The following CLEC4F variants were observed in gnomAD, a reference collection of about 807,000 sequenced individuals.
CLEC4F encodes C-type lectin domain family 4 member F.
CLEC4F carries 45 observed loss-of-function variants against 53.4 expected under a neutral mutation model. That is an observed-to-expected ratio of 0.84 (90% CI 0.66 to 1.08). The LOEUF (loss-of-function observed/expected upper bound fraction) is 1.08. Ranked by LOEUF, CLEC4F falls within the 50% of genes least tolerant of loss-of-function variation. The probability of loss-of-function intolerance (pLI) is 0.00; values close to 1 mark genes in which losing one functional copy is unlikely to be tolerated. For missense variants in CLEC4F, 753 were observed against 698.2 expected, an observed-to-expected ratio of 1.08 and a Z score of -0.88; for synonymous variants, 245 against 257.5, an observed-to-expected ratio of 0.95 and a Z score of 0.46.
At chr2:70,824,037 AGAAAG>A (rs782100823), upstream of CLEC4F, among the ~76,000 whole-genome samples, 32 of 121,242 alleles carry the variant, frequency 2.6e-4, 3 homozygotes, top group South Asian at 5.2e-4. Context: ...AAAAAAAAAA[AGAAAG>A]AAAGAAAGAA....
Position 70,816,179 on chromosome 2 carries a change from G to A in CLEC4F, c.1202C>T (p.Ser401Leu). Residue 401 changes from serine to leucine, a missense_variant, in exon 4 of 7, where the codon TCA (serine) becomes TTA (leucine). Transcript: ENST00000272367. ...QTLKQGMKNA[S>L]ALTSQTQMLD... is the part of the protein sequence containing the mutation. ...CATCTGGGTCTGGGAAGTTAAGGCTGAAGCATTCTTCATTCCTTGTTTTAG... is the reference window on the plus strand; with the variant it reads ...CATCTGGGTCTGGGAAGTTAAGGCTAAAGCATTCTTCATTCCTTGTTTTAG... The A allele has an allele frequency of 6.2e-7, 1 of 1,614,192 alleles. No individual in the cohort carries two copies. Among genetic ancestry groups the A allele is most frequent in the South Asian group, 1.1e-5 (1 of 91,080 alleles).
upstream of CLEC4F, among the ~76,000 whole-genome samples, chr2:70,823,254 G>T (rs112368272): frequency 0.019 from 2,824 of 152,290 alleles, 84 homozygotes; most frequent in African/African-American, 0.062. Context: ...CAGCAGGAAT[G>T]AAGGGTGAAG....
Position 70,813,614 on chromosome 2 carries a change from T to TCTTTCTTTCTTC in CLEC4F, c.1388-1017_1388-1016insGAAGAAAGAAAG, listed in dbSNP as rs1553394988. ...CTTTCTTTCTCTTTCTTTCTTTCTT[T>TCTTTCTTTCTTC]CTTTCTTTCTTTCTTTCTTTCTTTC... is the stretch of plus-strand genomic sequence containing the variant. On this transcript the variant is annotated intron_variant, in intron 4 of 6. Transcript: ENST00000272367. Among the ~76,000 whole-genome samples the TCTTTCTTTCTTC allele has an allele frequency of 4.5e-3, 641 of 141,866 alleles. 4 individuals are homozygous for TCTTTCTTTCTTC. The highest frequency in any genetic ancestry group is 0.018 in the African/African-American group (615 of 34,818). 93.1% of individuals were successfully genotyped at this position (141,866 alleles called of 152,430 possible).
In CLEC4F at chr2:70,809,843, C is replaced by G. The variant is rs1553393783; in HGVS notation, c.1554G>C (p.Glu518Asp). The G allele has an allele frequency of 6.2e-7, 1 of 1,613,220 alleles. No individual in the cohort carries two copies. The highest frequency in any genetic ancestry group is 2.2e-5 in the East Asian group (1 of 44,892). ...TCCAGTAGTACACTTTACTTGTGAA[C>G]TCTACCAGAAATGCCTGCAGAGAAA... The part of the protein sequence containing the change: ...ASKEEQAFLV[E>D]FTSKVYYWIG... The change falls in exon 6 of 7, where the codon GAG (glutamate) becomes GAC (aspartate). Residue 518 changes from glutamate to aspartate, a missense_variant. Coordinates refer to ENST00000272367, the MANE Select transcript of CLEC4F (RefSeq NM_173535.3).
At chr2:70,817,373 G>C (rs1327314673) in intron 3 of CLEC4F, among the ~76,000 whole-genome samples, 1 of 152,206 alleles carries the variant, frequency 6.6e-6, no homozygotes, top group Non-Finnish European at 1.5e-5. Context: ...CTTGCCTGCT[G>C]TAAGCCAGCT....
Position 70,809,023 on chromosome 2 carries a change from T to A in CLEC4F, c.*248A>T, listed in dbSNP as rs1353005754. On this transcript the variant is annotated 3_prime_UTR_variant, in exon 7 of 7. Coordinates refer to ENST00000272367, the MANE Select transcript of CLEC4F (RefSeq NM_173535.3). ...CCACTTCTGCTGAATTTGGACACAG[T>A]CTTCAGTCTGCCCATTCTTGTGCCG... is the stretch of plus-strand genomic sequence containing the variant. 4 of 1,458,770 alleles carry A rather than the reference T, an allele frequency of 2.7e-6. No homozygotes were observed. In the South Asian group the frequency reaches 4.9e-5, roughly 18 times the overall value. 90.4% of individuals were successfully genotyped at this position (1,458,770 alleles called of 1,614,324 possible). A position where few individuals can be genotyped will look rare whatever the true frequency, so the allele number is the denominator to read the frequency against.
chr2:70,809,153 G>A lies in CLEC4F; in HGVS notation c.*118C>T, dbSNP rs782796759. 1.9e-6 allele frequency: 3 copies of A among 1,553,374 alleles called. No individual in the cohort carries two copies. In the East Asian group the frequency reaches 7.3e-5, roughly 38 times the overall value. On this transcript the variant is annotated 3_prime_UTR_variant, in exon 7 of 7. Transcript: ENST00000272367. The stretch of plus-strand genomic sequence containing the variant: ...CTGGTGCTGTGGCTCCTAGGGAGCT[G>A]ACATGGGATGAGTCTAGGGAGCTGA...
chr2:70,811,686 G>A lies in CLEC4F; in HGVS notation c.1539+761C>T, dbSNP rs930923213. Among the ~76,000 whole-genome samples the A allele has an allele frequency of 7.2e-5, 11 of 152,166 alleles. No individual in the cohort carries two copies. The East Asian group carries it at 1.7e-3, about 24-fold the overall frequency. On this transcript the variant is annotated intron_variant, in intron 5 of 6. Transcript: ENST00000272367. ...AGTGAGCCACCTGGGACGGTATTGC[G>A]TTTGGTGGTCCTCGGACCCATAGTT...
chr2:70,823,271 A>G (rs1553398408), upstream of CLEC4F, among the ~76,000 whole-genome samples: 1 of 152,110 alleles, frequency 6.6e-6, no homozygotes, highest in Non-Finnish European at 1.5e-5. Context: ...GAAGGCACCT[A>G]TTTCTGGACT....
chr2:70,809,850 A>G lies in CLEC4F; in HGVS notation c.1547T>C (p.Leu516Pro), dbSNP rs34875126. 2,512 of 1,611,392 alleles carry G rather than the reference A, an allele frequency of 1.6e-3. 35 individuals are homozygous for G. In the African/African-American group the frequency reaches 0.027, roughly 17 times the overall value. ...SVASKEEQAFLVEFTSKVYYW... is the reference protein window; with the variant it reads ...SVASKEEQAFPVEFTSKVYYW... ...GTACACTTTACTTGTGAACTCTACC[A>G]GAAATGCCTGCAGAGAAAAGGCAGT... is the stretch of plus-strand genomic sequence containing the variant. Residue 516 changes from leucine (L) to proline (P), a missense_variant, in exon 6 of 7, where the codon CTG (leucine) becomes CCG (proline). Physicochemically the swap from Leu to Pro is moderately conservative, Grantham distance 98 (BLOSUM62 -3). Transcript: ENST00000272367.
Position 70,809,150 on chromosome 2 carries a change from G to A in CLEC4F, c.*121C>T. The A allele has an allele frequency of 1.3e-6, 2 of 1,553,020 alleles. No individual in the cohort carries two copies. The highest frequency in any genetic ancestry group is 3.9e-5 in the Admixed American group (2 of 51,046). ...TTCCTGGTGCTGTGGCTCCTAGGGAGCTGACATGGGATGAGTCTAGGGAGC... is the reference window on the plus strand; with the variant it reads ...TTCCTGGTGCTGTGGCTCCTAGGGAACTGACATGGGATGAGTCTAGGGAGC... On this transcript the variant is annotated 3_prime_UTR_variant, in exon 7 of 7. Coordinates refer to ENST00000272367, the MANE Select transcript of CLEC4F (RefSeq NM_173535.3).
chr2:70,817,576 C>T (rs1336079815), intron 3 of CLEC4F, among the ~76,000 whole-genome samples: 2 of 152,082 alleles, frequency 1.3e-5, no homozygotes, highest in Non-Finnish European at 2.9e-5. Context: ...ATTTGTACAC[C>T]AAGCATAGAG....
upstream of CLEC4F, chr2:70,820,650 G>T: frequency 2.2e-6 from 2 of 892,478 alleles, no homozygotes; most frequent in Non-Finnish European, 3.3e-6. Flanking sequence ...CACCCTCCCA[G>T]CTCTTCCTCC....
upstream of CLEC4F, among the ~76,000 whole-genome samples, chr2:70,824,621 C>CAAAAAAAAAAAAA (rs1388918958): frequency 3.0e-3 from 113 of 38,242 alleles, 16 homozygotes; most frequent in East Asian, 5.3e-3. Flanking sequence ...TGCTTAGTTA[C>CAAAAAAAAAAAAA]CAAAAAAAAA....
chr2:70,823,484 C>T (rs1247085681), upstream of CLEC4F, among the ~76,000 whole-genome samples: 2 of 152,188 alleles, frequency 1.3e-5, no homozygotes, highest in Non-Finnish European at 2.9e-5. Flanking sequence ...GACCTATTTC[C>T]TCCTGAGGCC....
chr2:70,824,648 T>TAAAAAG (rs1574389505), upstream of CLEC4F, among the ~76,000 whole-genome samples: 1 of 40,952 alleles, frequency 2.4e-5, no homozygotes, highest in Non-Finnish European at 5.8e-5. Flanking sequence ...AAAAAAAAAC[T>TAAAAAG]GAGGGAAGTA....
At chr2:70,820,929 C>A (rs373135933), upstream of CLEC4F, among the ~76,000 whole-genome samples, 1 of 152,158 alleles carries the variant, frequency 6.6e-6, no homozygotes, top group African/African-American at 2.4e-5. Flanking sequence ...AGCCTCAGAA[C>A]CTCTTAAGTA....
chr2:70,819,081 G>C (rs957058842), intron 3 of CLEC4F, among the ~76,000 whole-genome samples: 3 of 152,142 alleles, frequency 2.0e-5, no homozygotes, highest in African/African-American at 7.2e-5. Context: ...GAGCCACAAG[G>C]AAACTTTGGG....
chr2:70,812,652 A>T (rs781799805), intron 4 of CLEC4F, 54 bp from the exon 5 acceptor site: 2 of 1,596,468 alleles, frequency 1.3e-6, no homozygotes, highest in Non-Finnish European at 1.7e-6. Context: ...TAGGAGTCCC[A>T]GAAGGAACTT....
Sources: allele counts gnomAD v4.1 joint callset (sites outside exome capture counted in the v4.1 genomes callset), GRCh38; gene constraint gnomAD v4.1.1; transcripts MANE v1.5; gene names NCBI Gene and HGNC (gene_info 2026-07-23, HGNC 2026-07-21).